STK31: variants seen among roughly 807,000 people sequenced by gnomAD.
STK31 encodes the protein serine/threonine kinase 31, also known as serine/threonine-protein kinase 31.
STK31 carries 89 observed loss-of-function variants against 129.7 expected under a neutral mutation model. The observed-to-expected ratio is 0.69, with a 90% CI of 0.58 to 0.82. STK31 has a LOEUF of 0.82. Among genes scored for constraint, STK31 ranks in the 40% least tolerant of loss-of-function variants. STK31 has a pLI of 0.00. For synonymous variants in STK31, 448 were observed against 395.3 expected (o/e 1.13, Z -1.58); for missense variants, 1,187 against 1,176.4 (o/e 1.01, Z -0.13).
intron 6 of STK31, among the ~76,000 whole-genome samples, chr7:23,731,059 T>C (rs948885308): frequency 2.0e-5 from 3 of 150,980 alleles, no homozygotes; most frequent in African/African-American, 7.3e-5. Flanking sequence ...AATTTTTGTA[T>C]TTTTAGTAGA....
intron 22 of STK31, among the ~76,000 whole-genome samples, chr7:23,794,823 G>A (rs1026584595): frequency 6.6e-6 from 1 of 152,188 alleles, no homozygotes; most frequent in Non-Finnish European, 1.5e-5. Flanking sequence ...AGATGATTTA[G>A]AGCATCTGGT....
At chr7:23,745,451 G>A (rs563391764) in intron 8 of STK31, among the ~76,000 whole-genome samples, 9 of 152,344 alleles carry the variant, frequency 5.9e-5, no homozygotes, top group Admixed American at 2.6e-4. Flanking sequence ...GGCAGCAGAT[G>A]TGTGGAGGTG....
chr7:23,782,127 A>C (rs1790966632), intron 16 of STK31, among the ~76,000 whole-genome samples: 1 of 152,184 alleles, frequency 6.6e-6, no homozygotes, highest in Non-Finnish European at 1.5e-5. Flanking sequence ...ATTGTATTTT[A>C]TATCTGGGAG....
chr7:23,752,667 T>TA (rs1157990814), intron 8 of STK31, 50 bp from the exon 9 acceptor site: 1 of 1,337,150 alleles, frequency 7.5e-7, no homozygotes, highest in African/African-American at 1.4e-5. Flanking sequence ...ATAGCAGAAA[T>TA]ACAGTTTCCT....
chr7:23,768,964 C>T, intron 11 of STK31, 31 bp from the exon 12 acceptor site: 1 of 1,501,282 alleles, frequency 6.7e-7, no homozygotes, highest in South Asian at 1.5e-5. Flanking sequence ...AGTTAATAAA[C>T]TTTAATAAAC....
chr7:23,760,282 A>G (rs1160109944), intron 10 of STK31, among the ~76,000 whole-genome samples: 1 of 140,498 alleles, frequency 7.1e-6, no homozygotes, highest in African/African-American at 2.5e-5. Context: ...GCCTCTGTGG[A>G]TTATACCCTG....
intron 22 of STK31, among the ~76,000 whole-genome samples, chr7:23,810,377 T>C (rs1442959304): frequency 1.3e-5 from 2 of 151,400 alleles, no homozygotes; most frequent in Non-Finnish European, 2.9e-5. Context: ...TTGGGGTTTT[T>C]AGGCCATTTA....
intron 22 of STK31, among the ~76,000 whole-genome samples, chr7:23,798,444 A>G (rs889371805): frequency 3.3e-5 from 4 of 121,062 alleles, no homozygotes; most frequent in East Asian, 2.2e-4. Context: ...GGCTGGTTCA[A>G]CATATGCAAA....
At chr7:23,736,828 C>T in intron 7 of STK31, 76 bp from the exon 8 acceptor site, 2 of 1,231,158 alleles carry the variant, frequency 1.6e-6, no homozygotes, top group African/African-American at 1.5e-5. Context: ...ATAAAAGGAC[C>T]AAGATAACTT....
chr7:23,733,906 C>T (rs1469152054), intron 6 of STK31, among the ~76,000 whole-genome samples: 2 of 151,978 alleles, frequency 1.3e-5, no homozygotes, highest in Non-Finnish European at 2.9e-5. Context: ...AGAAAAAGTC[C>T]AAAGATTTCA....
chr7:23,733,584 G>A (rs920973910), intron 6 of STK31, among the ~76,000 whole-genome samples: 2 of 151,776 alleles, frequency 1.3e-5, no homozygotes, highest in East Asian at 3.9e-4. Flanking sequence ...TGAGGTGGGC[G>A]GATCACGAGG....
In STK31 at chr7:23,791,857, G is replaced by A. The variant is rs546721594; in HGVS notation, c.2760+911G>A. On this transcript the variant is annotated intron_variant, in intron 22 of 23. Coordinates refer to ENST00000355870, the MANE Select transcript of STK31 (RefSeq NM_031414.5). Reference sequence around the variant, plus strand: ...AGCATTTTCTGTAAAGGACCAGATGGTCTCTGTTGCAAGTACTGAGTTCTG... The same window carrying A: ...AGCATTTTCTGTAAAGGACCAGATGATCTCTGTTGCAAGTACTGAGTTCTG... Among the ~76,000 whole-genome samples, 319 of 152,290 alleles carry A rather than the reference G, an allele frequency of 2.1e-3. 6 individuals are homozygous for A. In the South Asian group the frequency reaches 0.033, roughly 16 times the overall value.
In STK31 at chr7:23,832,512, A is replaced by T; in HGVS notation, c.*146A>T. 1.6e-6 allele frequency: 1 copy of T among 641,078 alleles called. No individual in the cohort carries two copies. The highest frequency in any genetic ancestry group is 2.7e-6 in the Non-Finnish European group (1 of 372,664). 39.7% of individuals were successfully genotyped at this position (641,078 alleles called of 1,614,324 possible). A position where few individuals can be genotyped will look rare whatever the true frequency, so the allele number is the denominator to read the frequency against. On this transcript the variant is annotated 3_prime_UTR_variant, in exon 24 of 24. Transcript: ENST00000355870. ...AATAAAGATGTTTGGCTATGCACAAAATAGTTTGTATGCTTTGAACTTTAG... is the reference window on the plus strand; with the variant it reads ...AATAAAGATGTTTGGCTATGCACAATATAGTTTGTATGCTTTGAACTTTAG...
Position 23,772,181 on chromosome 7 carries a change from G to T in STK31, c.1868G>T (p.Ser623Ile), listed in dbSNP as rs10247878. ...KKQLIEYLNK[S>I]PSVDHLLSIK... is the part of the protein sequence containing the mutation. ...CAGCTTATTGAATATTTAAATAAGA[G>T]TCCCAGTGTGGATCACTTGCTATCC... is the stretch of plus-strand genomic sequence containing the variant. Residue 623 changes from serine to isoleucine, a missense_variant, in exon 15 of 24, where the codon AGT becomes ATT. Transcript: ENST00000355870. 0.14 allele frequency: 217,838 copies of T among 1,584,538 alleles called. 16,694 individuals are homozygous for T. The highest frequency in any genetic ancestry group is 0.16 in the Non-Finnish European group (180,337 of 1,158,932).
chr7:23,780,968 A>C (rs956712783), intron 15 of STK31, among the ~76,000 whole-genome samples: 3 of 152,172 alleles, frequency 2.0e-5, no homozygotes, highest in African/African-American at 7.2e-5. Flanking sequence ...AAGCATACAT[A>C]CTTTTTAAGG....
chr7:23,724,815 T>C (rs1173464798), intron 4 of STK31, among the ~76,000 whole-genome samples: 2 of 152,260 alleles, frequency 1.3e-5, no homozygotes, highest in Admixed American at 6.5e-5. Context: ...AATACACTTA[T>C]CCTTTGTAGC....
chr7:23,750,309 C>T (rs1788636851), intron 8 of STK31, among the ~76,000 whole-genome samples: 1 of 152,014 alleles, frequency 6.6e-6, no homozygotes, highest in Non-Finnish European at 1.5e-5. Flanking sequence ...ATTTCTGTTC[C>T]AGTATGTTGT....
At position 23,717,877 on chromosome 7, in the gene STK31, T is replaced by G. The variant is rs1786445713; in HGVS notation, c.249+298T>G. 2.6e-5 allele frequency among the ~76,000 whole-genome samples: 4 copies of G among 151,908 alleles called. No individual in the cohort carries two copies. The South Asian group carries it at 8.3e-4, about 31-fold the overall frequency. The stretch of plus-strand genomic sequence containing the variant: ...TTCTACTTGTATGAAGTACTTAGAG[T>G]AGTCAAAATCATAGAGACAGAAAAA... On this transcript the variant is annotated intron_variant, in intron 4 of 23. Transcript: ENST00000355870.
intron 23 of STK31, among the ~76,000 whole-genome samples, chr7:23,829,100 G>A (rs1291384278): frequency 1.3e-5 from 2 of 151,070 alleles, no homozygotes; most frequent in Non-Finnish European, 1.5e-5. Context: ...TAGTAGAGAC[G>A]AGGTTTCACT....
Sources: gnomAD v4.1 joint callset for allele counts (sites outside exome capture counted in the v4.1 genomes callset) on GRCh38, gnomAD v4.1.1 for gene constraint, MANE v1.5 for transcripts, NCBI Gene and HGNC (gene_info 2026-07-23, HGNC 2026-07-21) for gene names.